Variants in GALM observed in about 807,000 individuals in gnomAD.
The protein encoded by GALM is aldose 1-epimerase.
GALM carries 43 observed loss-of-function variants against 37.4 expected under a neutral mutation model. The observed-to-expected ratio is 1.15, with a 90% CI of 0.90 to 1.48. GALM has a LOEUF of 1.48. GALM is among the 40% of genes most tolerant of loss of function. The pLI, the probability that GALM is intolerant of heterozygous loss-of-function variation, is 0.00. For missense variants in GALM, 456 were observed against 419.1 expected (o/e 1.09, Z -0.77); for synonymous variants, 199 against 170.6 (o/e 1.17, Z -1.30).
chr2:38,713,021 C>T (rs143884453), intron 4 of GALM, among the ~76,000 whole-genome samples: 3 of 152,236 alleles, frequency 2.0e-5, no homozygotes, highest in East Asian at 1.9e-4. Flanking sequence ...ACCCTTTTCA[C>T]GATGCTGGGA....
At chr2:38,705,689 G>A (rs1013062138) in intron 4 of GALM, among the ~76,000 whole-genome samples, 12 of 152,168 alleles carry the variant, frequency 7.9e-5, no homozygotes, top group South Asian at 2.1e-4. Context: ...ATTTAAGGCA[G>A]CATCCACTCC....
At chr2:38,691,747 A>T (rs1406486082) in intron 4 of GALM, among the ~76,000 whole-genome samples, 3 of 147,528 alleles carry the variant, frequency 2.0e-5, no homozygotes, top group South Asian at 4.3e-4. Context: ...TTTAAAAAAG[A>T]CCAAACTACC....
chr2:38,677,694 A>G (rs1194612042), intron 2 of GALM, among the ~76,000 whole-genome samples: 1 of 152,204 alleles, frequency 6.6e-6, no homozygotes, highest in Non-Finnish European at 1.5e-5. Context: ...GAACACAGCA[A>G]AATCGTGAGT....
At chr2:38,712,780 A>G (rs1274054273) in intron 4 of GALM, among the ~76,000 whole-genome samples, 2 of 152,168 alleles carry the variant, frequency 1.3e-5, no homozygotes, top group Non-Finnish European at 2.9e-5. Context: ...ATCAGAGCGG[A>G]GGCTGGGGCT....
At position 38,675,892 on chromosome 2, in the gene GALM, G is replaced by A. The variant is rs1345636629; in HGVS notation, c.191-20G>A. 2.5e-6 allele frequency: 4 copies of A among 1,613,490 alleles called. No homozygotes were observed. The South Asian group carries it at 3.3e-5, about 13-fold the overall frequency. ...CCTGAATTGAAGTTTTAAAAGTGCT[G>A]TCATCCCTTGTCCTTGCAGGATACC... is the stretch of plus-strand genomic sequence containing the variant. On this transcript the variant is annotated intron_variant, in intron 1 of 6. Coordinates refer to ENST00000272252, the MANE Select transcript of GALM (RefSeq NM_138801.3).
chr2:38,705,835 G>T (rs1666024222), intron 4 of GALM, among the ~76,000 whole-genome samples: 3 of 151,998 alleles, frequency 2.0e-5, no homozygotes, highest in South Asian at 4.1e-4. Context: ...GATGAGCTGG[G>T]ATTTTTTTTA....
intron 1 of GALM, among the ~76,000 whole-genome samples, chr2:38,670,916 G>A (rs1217141554): frequency 1.3e-5 from 2 of 152,204 alleles, no homozygotes; most frequent in Non-Finnish European, 2.9e-5. Flanking sequence ...GGTTTTGATT[G>A]AGAGTGGTGA....
At chr2:38,699,165 C>T (rs1333760012) in intron 4 of GALM, among the ~76,000 whole-genome samples, 4 of 152,116 alleles carry the variant, frequency 2.6e-5, no homozygotes, top group East Asian at 3.9e-4. Context: ...CTGCCCACCT[C>T]GGCCTCTCAA....
chr2:38,705,506 G>T (rs1444802791), intron 4 of GALM, among the ~76,000 whole-genome samples: 1 of 152,126 alleles, frequency 6.6e-6, no homozygotes, highest in Non-Finnish European at 1.5e-5. Context: ...TAGAAGCCAG[G>T]GTAGAAAGAG....
At chr2:38,699,971 GA>G (rs1159659500) in intron 4 of GALM, among the ~76,000 whole-genome samples, 1 of 151,626 alleles carries the variant, frequency 6.6e-6, no homozygotes. Flanking sequence ...TTGTTTTTTT[GA>G]GAGAGTCTCA....
intron 4 of GALM, among the ~76,000 whole-genome samples, chr2:38,723,140 C>G (rs1270513643): frequency 2.0e-5 from 3 of 152,190 alleles, no homozygotes; most frequent in Non-Finnish European, 2.9e-5. Context: ...GGGCACAATT[C>G]TTGCCCTTTA....
At chr2:38,675,152 G>A (rs1665212857) in intron 1 of GALM, among the ~76,000 whole-genome samples, 2 of 152,074 alleles carry the variant, frequency 1.3e-5, no homozygotes, top group Non-Finnish European at 2.9e-5. Flanking sequence ...TCCAGCCTGG[G>A]CAACAGAGTG....
chr2:38,723,355 A>G lies in GALM; in HGVS notation c.635-6201A>G, dbSNP rs1389417074. Among the ~76,000 whole-genome samples the G allele has an allele frequency of 4.6e-5, 7 of 152,272 alleles. No individual in the cohort carries two copies. The East Asian group carries it at 1.3e-3, about 29-fold the overall frequency. On this transcript the variant is annotated intron_variant, in intron 4 of 6. Transcript: ENST00000272252. ...CCCTGAGACCAGTTTCACCCTAGTAATCGCTAAAATGACCTGCTGTGACTC... is the reference window on the plus strand; with the variant it reads ...CCCTGAGACCAGTTTCACCCTAGTAGTCGCTAAAATGACCTGCTGTGACTC...
intron 2 of GALM, among the ~76,000 whole-genome samples, chr2:38,679,114 G>A (rs921498621): frequency 2.0e-5 from 3 of 152,132 alleles, no homozygotes; most frequent in Non-Finnish European, 4.4e-5. Context: ...AACCTCCCGA[G>A]TAGCTGGGAT....
chr2:38,666,309 G>C lies in GALM; in HGVS notation c.148G>C (p.Gly50Arg). Reference sequence around the variant, plus strand: ...AGCCCTAGAGGTCAAAGACAGGCAGGGGAGAGCCTCGGACGTGGTGCTTGG... The same window carrying C: ...AGCCCTAGAGGTCAAAGACAGGCAGCGGAGAGCCTCGGACGTGGTGCTTGG... ...ITALEVKDRQ[G>R]RASDVVLGFA... is the part of the protein sequence containing the mutation. Residue 50 changes from glycine (G) to arginine (R), a missense_variant, in exon 1 of 7, where the codon GGG (glycine) becomes CGG (arginine). Coordinates refer to ENST00000272252, the MANE Select transcript of GALM (RefSeq NM_138801.3). The C allele has an allele frequency of 6.2e-7, 1 of 1,613,728 alleles. No homozygotes were observed. Among genetic ancestry groups the C allele is most frequent in the East Asian group, 2.2e-5 (1 of 44,828 alleles).
intron 4 of GALM, among the ~76,000 whole-genome samples, chr2:38,720,304 A>C (rs1007392865): frequency 2.0e-5 from 3 of 151,996 alleles, no homozygotes; most frequent in Non-Finnish European, 4.4e-5. Context: ...CACATAGAAA[A>C]TGCTCAAAAA....
intron 4 of GALM, among the ~76,000 whole-genome samples, chr2:38,696,635 A>T (rs1558586409): frequency 6.7e-6 from 1 of 148,336 alleles, no homozygotes; most frequent in Non-Finnish European, 1.5e-5. Flanking sequence ...CTCAACATGG[A>T]TTTTTTTTTC....
chr2:38,727,429 G>A (rs967606856), intron 4 of GALM, among the ~76,000 whole-genome samples: 14 of 151,812 alleles, frequency 9.2e-5, no homozygotes, highest in African/African-American at 3.4e-4. Flanking sequence ...GCAGTTCTGA[G>A]TTTAAGAAAA....
chr2:38,709,766 G>A (rs1039082661), intron 4 of GALM, among the ~76,000 whole-genome samples: 1 of 152,126 alleles, frequency 6.6e-6, no homozygotes, highest in Non-Finnish European at 1.5e-5. Context: ...CCCACCCAGG[G>A]TGTTACTTTT....
Sources: gnomAD v4.1 joint callset for allele counts (sites outside exome capture counted in the v4.1 genomes callset) on GRCh38, gnomAD v4.1.1 for gene constraint, MANE v1.5 for transcripts, NCBI Gene and HGNC (gene_info 2026-07-23, HGNC 2026-07-21) for gene names.